Variants in POPDC1 observed in about 807,000 individuals in gnomAD.
POPDC1 encodes popeye domain cAMP effector 1.
chr6:105,134,329 A>G, the POPDC1 span, among the ~76,000 whole-genome samples: 1 of 152,164 alleles, frequency 6.6e-6, no homozygotes, highest in Non-Finnish European at 1.5e-5. Flanking sequence ...TATACATATG[A>G]AAATCCATAG....
chr6:105,124,714 T>A, the POPDC1 span: 1 of 1,181,112 alleles, frequency 8.5e-7, no homozygotes, highest in Non-Finnish European at 1.3e-6. Flanking sequence ...TGATAATCCT[T>A]AAAACTGCTA....
the POPDC1 span, among the ~76,000 whole-genome samples, chr6:105,108,212 G>A: frequency 6.6e-6 from 1 of 152,316 alleles, no homozygotes; most frequent in Non-Finnish European, 1.5e-5. Flanking sequence ...ATACAGGGTA[G>A]AGGAGAAGGT....
the POPDC1 span, among the ~76,000 whole-genome samples, chr6:105,124,256 C>CCT: frequency 6.6e-6 from 1 of 151,968 alleles, no homozygotes; most frequent in African/African-American, 2.4e-5. Context: ...GTGGCAGGCA[C>CCT]CTGTAGTCCC....
chr6:105,118,400 C>A, the POPDC1 span, among the ~76,000 whole-genome samples: 3 of 152,186 alleles, frequency 2.0e-5, no homozygotes, highest in Admixed American at 6.5e-5. Flanking sequence ...GTAGGAATTT[C>A]CAAAACCAAA....
chr6:105,115,250 C>G, the POPDC1 span, among the ~76,000 whole-genome samples: 1 of 152,190 alleles, frequency 6.6e-6, no homozygotes, highest in East Asian at 1.9e-4. Flanking sequence ...CCAAGCCCGG[C>G]TAATTTTTTT....
chr6:105,101,077 T>C, the POPDC1 span: 1 of 1,600,228 alleles, frequency 6.2e-7, no homozygotes, highest in Non-Finnish European at 8.5e-7. Context: ...GTAACCTGAA[T>C]TCTCTCTCTG....
the POPDC1 span, among the ~76,000 whole-genome samples, chr6:105,117,882 T>C: frequency 6.6e-6 from 1 of 152,090 alleles, no homozygotes; most frequent in African/African-American, 2.4e-5. Flanking sequence ...CCTGGCTCTA[T>C]AAAACATACA....
chr6:105,125,391 T>C, the POPDC1 span: 1 of 1,614,140 alleles, frequency 6.2e-7, no homozygotes, highest in Non-Finnish European at 8.5e-7. Context: ...GAACACTTAC[T>C]TTCCCTTCAA....
the POPDC1 span, among the ~76,000 whole-genome samples, chr6:105,110,420 C>T: frequency 3.6e-3 from 548 of 152,318 alleles, 9 homozygotes; most frequent in Non-Finnish European, 3.1e-3. Flanking sequence ...CTGTACAATT[C>T]ATGTAAAGCT....
At chr6:105,136,454 AC>A in the POPDC1 span, 1 of 152,072 alleles carries the variant, frequency 6.6e-6, no homozygotes, top group Non-Finnish European at 1.5e-5. Context: ...GCCGTGGCCC[AC>A]CCTACTCTCC....
the POPDC1 span, among the ~76,000 whole-genome samples, chr6:105,120,283 A>AAC: frequency 6.7e-6 from 1 of 149,620 alleles, no homozygotes; most frequent in African/African-American, 2.5e-5. Flanking sequence ...AAAAAAAAAA[A>AAC]AAAAAAAAAA....
chr6:105,116,828 C>A, the POPDC1 span: 2 of 1,611,734 alleles, frequency 1.2e-6, no homozygotes, highest in African/African-American at 2.7e-5. Context: ...TTCTCTTGAC[C>A]AGCATAAAAA....
At chr6:105,133,253 G>T in the POPDC1 span, 2 of 1,039,114 alleles carry the variant, frequency 1.9e-6, no homozygotes, top group Admixed American at 2.6e-5. Context: ...TTTTTGGCTT[G>T]CTATGGGCCT....
chr6:105,119,184 C>CAAAAAA, the POPDC1 span, among the ~76,000 whole-genome samples: 2 of 111,304 alleles, frequency 1.8e-5, no homozygotes, highest in South Asian at 3.2e-4. Flanking sequence ...GACTCCCTCT[C>CAAAAAA]AAAAAAAAAA....
the POPDC1 span, among the ~76,000 whole-genome samples, chr6:105,128,739 C>G: frequency 4.6e-5 from 7 of 152,112 alleles, no homozygotes; most frequent in African/African-American, 1.7e-4. Context: ...AAGATTAAGG[C>G]AAGCATTATA....
At chr6:105,117,496 T>C in the POPDC1 span, among the ~76,000 whole-genome samples, 3 of 152,158 alleles carry the variant, frequency 2.0e-5, no homozygotes, top group African/African-American at 7.2e-5. Flanking sequence ...CTGGAAATCA[T>C]ACCCCCTTTC....
chr6:105,103,512 C>G, the POPDC1 span, among the ~76,000 whole-genome samples: 1 of 151,834 alleles, frequency 6.6e-6, no homozygotes, highest in Non-Finnish European at 1.5e-5. Context: ...TATTTTTAGC[C>G]TTAAGTTATC....
chr6:105,107,985 A>G, the POPDC1 span, among the ~76,000 whole-genome samples: 411 of 152,330 alleles, frequency 2.7e-3, 5 homozygotes, highest in African/African-American at 9.4e-3. Flanking sequence ...TGAGGAACTC[A>G]GGCAAAGCGT....
the POPDC1 span, among the ~76,000 whole-genome samples, chr6:105,113,609 T>A: frequency 0.86 from 130,477 of 152,082 alleles, 57,540 homozygotes; most frequent in Non-Finnish European, 0.96. Flanking sequence ...GTGACCCAGA[T>A]GGCAGCTAGT....
Sources: gnomAD v4.1 joint callset for allele counts (sites outside exome capture counted in the v4.1 genomes callset) on GRCh38, gnomAD v4.1.1 for gene constraint, MANE v1.5 for transcripts, NCBI Gene and HGNC (gene_info 2026-07-23, HGNC 2026-07-21) for gene names.